Variants in ERICH3 observed in about 807,000 individuals in gnomAD.
ERICH3 encodes the protein glutamate rich 3.
A neutral mutation model predicts 131.1 loss-of-function variants in ERICH3; 126 were observed. The observed-to-expected ratio is 0.96, with a 90% CI of 0.83 to 1.11. The LOEUF (loss-of-function observed/expected upper bound fraction) is 1.11. Among genes scored for constraint, ERICH3 ranks in the 50% most tolerant of loss-of-function variants. The pLI, the probability that ERICH3 is intolerant of heterozygous loss-of-function variation, is 0.00. For synonymous variants in ERICH3, 695 were observed against 644.6 expected, an observed-to-expected ratio of 1.08 and a Z score of -1.18; for missense variants, 2,050 against 1,810.7, an observed-to-expected ratio of 1.13 and a Z score of -2.40.
intron 6 of ERICH3, among the ~76,000 whole-genome samples, chr1:74,633,381 G>T (rs548709001): frequency 1.2e-4 from 18 of 151,494 alleles, no homozygotes; most frequent in Non-Finnish European, 2.7e-4. Context: ...AAAGGAGTAC[G>T]TTTATATTGT....
At chr1:74,668,862 T>C (rs1446377576) in intron 1 of ERICH3, among the ~76,000 whole-genome samples, 1 of 152,210 alleles carries the variant, frequency 6.6e-6, no homozygotes, top group East Asian at 1.9e-4. Context: ...AAATATTTAA[T>C]GACTTAAAGT....
At chr1:74,672,831 T>C (rs1646754239) in intron 1 of ERICH3, among the ~76,000 whole-genome samples, 3 of 152,232 alleles carry the variant, frequency 2.0e-5, no homozygotes, top group Middle Eastern at 3.4e-3. Flanking sequence ...CTAGAATACA[T>C]TGAAAATTGC....
chr1:74,641,571 C>T, intron 4 of ERICH3, 112 bp from the exon 5 acceptor site: 1 of 1,266,270 alleles, frequency 7.9e-7, no homozygotes, highest in South Asian at 1.4e-5. Flanking sequence ...CTCATTTCTT[C>T]CAAGAGTTAC....
chr1:74,643,876 T>C (rs1405021220), intron 3 of ERICH3, among the ~76,000 whole-genome samples: 2 of 152,118 alleles, frequency 1.3e-5, no homozygotes, highest in Non-Finnish European at 2.9e-5. Context: ...CACAACATAG[T>C]ATGAGTTTAC....
intron 5 of ERICH3, among the ~76,000 whole-genome samples, chr1:74,639,629 T>C (rs1273946451): frequency 6.6e-6 from 1 of 152,184 alleles, no homozygotes; most frequent in Non-Finnish European, 1.5e-5. Context: ...TAATTCTTAG[T>C]AGAAGATCAG....
chr1:74,602,898 G>T (rs1335199179), intron 10 of ERICH3, among the ~76,000 whole-genome samples: 1 of 151,876 alleles, frequency 6.6e-6, no homozygotes, highest in Non-Finnish European at 1.5e-5. Flanking sequence ...CTCATCCCAA[G>T]ATAAGACAAA....
At position 74,576,953 on chromosome 1, in the gene ERICH3, A is replaced by G. The variant is rs1425268379; in HGVS notation, c.2177-17T>C. 23 of 1,590,560 alleles carry G rather than the reference A, an allele frequency of 1.4e-5. No individual in the cohort carries two copies. Among genetic ancestry groups the G allele is most frequent in the Non-Finnish European group, 1.8e-5 (21 of 1,170,630 alleles). ...AATCCTTTCCTAGTTAAAAAAAAAA[A>G]AAAGAAAAAAAAGGTCAAATGAATC... On this transcript the variant is annotated splice_polypyrimidine_tract_variant and intron_variant, in intron 12 of 14. Transcript: ENST00000326665.
chr1:74,668,280 T>A (rs767204531), intron 1 of ERICH3, among the ~76,000 whole-genome samples: 1 of 152,228 alleles, frequency 6.6e-6, no homozygotes, highest in African/African-American at 2.4e-5. Context: ...TACTTTTTTA[T>A]AATTATCTTT....
rs745497573 is a variant in ERICH3 at position 74,599,903 on chromosome 1, C to T, written c.1518G>A (p.Glu506=). Residue 506 remains glutamate, a synonymous_variant, in exon 11 of 15, where the codon GAG becomes GAA. Transcript: ENST00000326665. ...YEYEEDFEVD[E]EKQGEKSNEE... is the part of the protein sequence containing the mutation. ...CATTAGATTTTTCACCTTGTTTCTC[C>T]TCATCTACTTCAAAGTCTTCTTCAT... 2 of 1,610,772 alleles carry T rather than the reference C, an allele frequency of 1.2e-6. No homozygotes were observed. The highest frequency in any genetic ancestry group is 1.7e-6 in the Non-Finnish European group (2 of 1,178,402).
At chr1:74,618,248 A>G (rs1649065617) in intron 8 of ERICH3, among the ~76,000 whole-genome samples, 1 of 152,226 alleles carries the variant, frequency 6.6e-6, no homozygotes, top group South Asian at 2.1e-4. Flanking sequence ...CTATTGGGAT[A>G]AAACAGAGTA....
chr1:74,631,843 T>C lies in ERICH3; in HGVS notation c.689A>G (p.Tyr230Cys). ...AAGTGGAGGAGGAATAGGCATCATG[T>C]AACTGTTAATGTTTGGAAGTTGATA... ...NSYQLPNINS[Y>C]MMPIPPPLPP... Residue 230 changes from tyrosine to cysteine, a missense_variant, in exon 7 of 15, where the codon TAC becomes TGC. Physicochemically the swap from Tyr to Cys is radical, Grantham distance 194. Transcript: ENST00000326665. 6.2e-7 allele frequency: 1 copy of C among 1,613,530 alleles called. No homozygotes were observed. The highest frequency in any genetic ancestry group is 8.5e-7 in the Non-Finnish European group (1 of 1,179,602).
Position 74,606,639 on chromosome 1 carries a change from T to G in ERICH3, c.1451A>C (p.Glu484Ala). The G allele has an allele frequency of 1.2e-6, 2 of 1,611,920 alleles. No homozygotes were observed. Among genetic ancestry groups the G allele is most frequent in the Non-Finnish European group, 1.7e-6 (2 of 1,178,950 alleles). The change falls in exon 10 of 15, where the codon GAA becomes GCA. Residue 484 changes from glutamate to alanine, a missense_variant. Glu to Ala is a moderately radical substitution (Grantham distance 107). Coordinates refer to ENST00000326665, the MANE Select transcript of ERICH3 (RefSeq NM_001002912.5). The stretch of plus-strand genomic sequence containing the variant: ...ATTTTCCTGGTCGTCTTCCAAGACT[T>G]CTTGTCCTGGTTTTCCTTTACTTGT... The part of the protein sequence containing the change: ...EMTSKGKPGQ[E>A]VLEDDQENTL...
chr1:74,627,953 C>A (rs1649472046), intron 7 of ERICH3, among the ~76,000 whole-genome samples: 1 of 152,036 alleles, frequency 6.6e-6, no homozygotes, highest in African/African-American at 2.4e-5. Flanking sequence ...TCTTAACAGA[C>A]CATGCATGGT....
Position 74,571,299 on chromosome 1 carries a change from C to T in ERICH3, c.4411G>A (p.Ala1471Thr), listed in dbSNP as rs1291633091. ...SGDGRQETGA[A>T]EKFRLGLSRE... is the part of the protein sequence containing the mutation. ...GATAATCCTAATCGGAATTTTTCAG[C>T]TGCTCCTGTCTCCTGCCTCCCATCG... is the stretch of plus-strand genomic sequence containing the variant. The change falls in exon 14 of 15, where the codon GCT (alanine) becomes ACT (threonine). Residue 1471 changes from alanine (A) to threonine (T), a missense_variant. Transcript: ENST00000326665. The T allele has an allele frequency of 6.2e-7, 1 of 1,613,982 alleles. No homozygotes were observed. Among genetic ancestry groups the T allele is most frequent in the Non-Finnish European group, 8.5e-7 (1 of 1,180,020 alleles).
rs532540666 is a variant in ERICH3, at chr1:74,665,178, T to C, written c.23+8319A>G. Among the ~76,000 whole-genome samples the C allele has an allele frequency of 3.1e-3, 476 of 151,424 alleles. 3 individuals carry two copies. The highest frequency in any genetic ancestry group is 0.011 in the African/African-American group (455 of 41,092). Reference sequence around the variant, plus strand: ...TGAGGGCCCAGCAAGAAGATGGCCATCTGCAGCCTGGGCGACAGAGCAAGA... The same window carrying C: ...TGAGGGCCCAGCAAGAAGATGGCCACCTGCAGCCTGGGCGACAGAGCAAGA... On this transcript the variant is annotated intron_variant, in intron 1 of 14. Transcript: ENST00000326665.
In ERICH3 at chr1:74,673,590, C is replaced by T. The variant is rs942359921; in HGVS notation, c.-71G>A. The T allele has an allele frequency of 3.2e-6, 5 of 1,554,878 alleles. No homozygotes were observed. The Admixed American group carries it at 7.1e-5, about 22-fold the overall frequency. Reference sequence around the variant, plus strand: ...GTGCGTGGGGCCCCGTGCGCGCTGGCGCTGCGACAGTCGCGCTCGAGGGGT... The same window carrying T: ...GTGCGTGGGGCCCCGTGCGCGCTGGTGCTGCGACAGTCGCGCTCGAGGGGT... On this transcript the variant is annotated 5_prime_UTR_variant, in exon 1 of 15. Transcript: ENST00000326665.
In ERICH3 at chr1:74,673,560, G is replaced by T. The variant is rs202111662; in HGVS notation, c.-41C>A. 1.7e-5 allele frequency: 28 copies of T among 1,605,670 alleles called. No individual in the cohort carries two copies. Among genetic ancestry groups the T allele is most frequent in the Non-Finnish European group, 2.4e-5 (28 of 1,176,532 alleles). On this transcript the variant is annotated 5_prime_UTR_variant, in exon 1 of 15. Coordinates refer to ENST00000326665, the MANE Select transcript of ERICH3 (RefSeq NM_001002912.5). ...TTTGGACCCCGCGGCAGGTGCGGAG[G>T]GTGGGTGCGTGGGGCCCCGTGCGCG...
chr1:74,643,181 A>T, intron 3 of ERICH3, 83 bp from the exon 4 acceptor site: 1 of 918,296 alleles, frequency 1.1e-6, no homozygotes. Flanking sequence ...TCCAACAGAT[A>T]ACTATATTCT....
intron 12 of ERICH3, chr1:74,586,268 G>T (rs2100555238): frequency 4.1e-6 from 2 of 483,914 alleles, no homozygotes; most frequent in South Asian, 8.9e-5. Context: ...AGTGAAAAAA[G>T]CAAGTCTCAG....
Sources: allele counts gnomAD v4.1 joint callset (sites outside exome capture counted in the v4.1 genomes callset), GRCh38; gene constraint gnomAD v4.1.1; transcripts MANE v1.5; gene names NCBI Gene and HGNC (gene_info 2026-07-23, HGNC 2026-07-21).